SPATS1: variants seen among roughly 807,000 people sequenced by gnomAD.
The protein encoded by SPATS1 is spermatogenesis associated serine rich 1.
Under a neutral mutation model 33.6 loss-of-function variants are expected in SPATS1, and 23 were observed. That is an observed-to-expected ratio of 0.68 (90% confidence interval 0.49 to 0.97). SPATS1 has a LOEUF of 0.97. Among genes scored for constraint, SPATS1 ranks in the 50% least tolerant of loss-of-function variants. SPATS1 has a pLI of 0.00. For synonymous variants in SPATS1, 131 were observed against 125.6 expected (o/e 1.04, Z -0.29); for missense variants, 327 against 361.0 (o/e 0.91, Z 0.76).
At chr6:44,361,610 A>G in intron 4 of SPATS1, 1 of 885,324 alleles carries the variant, frequency 1.1e-6, no homozygotes. Context: ...GCAAACAAAA[A>G]CAAAGACGGC....
rs1787664198 is a variant in SPATS1 at position 44,343,129 on chromosome 6, C to T, written c.34C>T (p.Arg12Trp). The change falls in exon 2 of 9, where the codon CGG (arginine) becomes TGG (tryptophan). Residue 12 changes from arginine (R) to tryptophan (W), a missense_variant. Physicochemically the swap from Arg to Trp is moderately radical, Grantham distance 101 (BLOSUM62 -3). Transcript: ENST00000674044. ...ATCCATGCTCACTGGAAACAGTCCA[C>T]GGGGCTGCCGTCTCCCCTCCATCTC... ...SPSMLTGNSPRGCRLPSISST... is the reference protein window; with the variant it reads ...SPSMLTGNSPWGCRLPSISST... 3 of 1,613,426 alleles carry T rather than the reference C, an allele frequency of 1.9e-6. No individual in the cohort carries two copies. The highest frequency in any genetic ancestry group is 2.7e-5 in the African/African-American group (2 of 74,964).
intron 4 of SPATS1, chr6:44,361,420 T>C: frequency 1.0e-6 from 1 of 985,392 alleles, no homozygotes; most frequent in Non-Finnish European, 1.2e-6. Flanking sequence ...CCACTTGAGG[T>C]GCCATGTGGA....
rs114511114 is a variant in SPATS1, at chr6:44,363,438, G to A, written c.574+1446G>A. Among the ~76,000 whole-genome samples, 1,260 of 152,268 alleles carry A rather than the reference G, an allele frequency of 8.3e-3. 7 individuals are homozygous for A. Among genetic ancestry groups the A allele is most frequent in the South Asian group, 0.017 (81 of 4,822 alleles). ...GGTATTACAGGTGTGAGCCACTGCA[G>A]CCAGCCTACCCTGCACTCTTGAGCT... On this transcript the variant is annotated intron_variant, in intron 5 of 8. Coordinates refer to ENST00000674044, the MANE Select transcript of SPATS1 (RefSeq NM_001372081.1).
intron 3 of SPATS1, among the ~76,000 whole-genome samples, chr6:44,353,449 T>G (rs1333490461): frequency 6.6e-6 from 1 of 152,052 alleles, no homozygotes; most frequent in African/African-American, 2.4e-5. Context: ...AGAGTGGTGT[T>G]ATCTTGGCTC....
chr6:44,371,950 A>C (rs1789646974), intron 7 of SPATS1, among the ~76,000 whole-genome samples: 1 of 150,770 alleles, frequency 6.6e-6, no homozygotes, highest in Non-Finnish European at 1.5e-5. Flanking sequence ...GTCTCAAAAA[A>C]AAAAAAAAAA....
chr6:44,365,067 G>A (rs1789164706), intron 5 of SPATS1, among the ~76,000 whole-genome samples: 2 of 152,182 alleles, frequency 1.3e-5, no homozygotes, highest in Non-Finnish European at 2.9e-5. Context: ...GGGATTACAG[G>A]TGTGAGCCAC....
At chr6:44,354,191 G>A (rs1346675697) in intron 3 of SPATS1, among the ~76,000 whole-genome samples, 1 of 151,808 alleles carries the variant, frequency 6.6e-6, no homozygotes, top group African/African-American at 2.4e-5. Context: ...AAAATTAGCC[G>A]GGCCTGGGGG....
chr6:44,355,243 A>G (rs1788511086), intron 3 of SPATS1, among the ~76,000 whole-genome samples: 1 of 149,666 alleles, frequency 6.7e-6, no homozygotes, highest in South Asian at 2.1e-4. Context: ...AATGACATAT[A>G]GTTGGAATCG....
In SPATS1 at chr6:44,360,433, G is replaced by T. The variant is rs1788845049; in HGVS notation, c.288-13G>T. The T allele has an allele frequency of 6.2e-7, 1 of 1,613,940 alleles. No homozygotes were observed. ...TTTAAGCACGTGGAAGAATCCTTCT[G>T]CTTTCTTTCCAGCACCACTGCTGAC... On this transcript the variant is annotated splice_polypyrimidine_tract_variant and intron_variant, in intron 3 of 8. Transcript: ENST00000674044.
At chr6:44,372,252 C>CAA (rs1202728244) in intron 7 of SPATS1, among the ~76,000 whole-genome samples, 30 of 80,682 alleles carry the variant, frequency 3.7e-4, no homozygotes, top group African/African-American at 8.4e-4. Flanking sequence ...GACTCCATCT[C>CAA]AAAAAAAAAA....
intron 6 of SPATS1, among the ~76,000 whole-genome samples, chr6:44,368,971 A>G (rs1005241264): frequency 2.0e-5 from 3 of 147,910 alleles, no homozygotes; most frequent in African/African-American, 7.5e-5. Context: ...ATCTCAGCTC[A>G]CTGCAAGCTC....
chr6:44,350,814 T>A (rs1236037085), intron 2 of SPATS1, among the ~76,000 whole-genome samples: 1 of 152,092 alleles, frequency 6.6e-6, no homozygotes, highest in East Asian at 1.9e-4. Flanking sequence ...CAACTGCCCA[T>A]AGTAAATATT....
intron 7 of SPATS1, among the ~76,000 whole-genome samples, chr6:44,370,979 G>GTTTTTTTTT (rs532344535): frequency 3.5e-5 from 5 of 141,694 alleles, no homozygotes; most frequent in Non-Finnish European, 3.1e-5. Flanking sequence ...AAAAAGAAAG[G>GTTTTTTTTT]TTTTTTTTTT....
At chr6:44,368,262 T>C in intron 5 of SPATS1, 117 bp from the exon 6 acceptor site, 2 of 1,044,194 alleles carry the variant, frequency 1.9e-6, no homozygotes, top group East Asian at 2.7e-5. Flanking sequence ...GAAACTTCTA[T>C]GTAATTTATA....
chr6:44,358,125 A>G (rs6912195), intron 3 of SPATS1, among the ~76,000 whole-genome samples: 151,062 of 152,312 alleles, frequency 0.99, 74,926 homozygotes, highest in East Asian at 1. Context: ...ATTCTGAATC[A>G]GGGGTGGGGG....
In SPATS1 at chr6:44,345,115, T is replaced by C. The variant is rs114643876; in HGVS notation, c.139+1881T>C. ...GTATTAGTATTAGCGTCAGTATTAG[T>C]AAGTGTTCAGGCTTGCAATTCCAGC... is the stretch of plus-strand genomic sequence containing the variant. On this transcript the variant is annotated intron_variant, in intron 2 of 8. Transcript: ENST00000674044. Among the ~76,000 whole-genome samples the C allele has an allele frequency of 5.6e-3, 854 of 152,206 alleles. 10 individuals are homozygous for C. Among genetic ancestry groups the C allele is most frequent in the Middle Eastern group, 0.051 (15 of 294 alleles).
intron 7 of SPATS1, among the ~76,000 whole-genome samples, chr6:44,374,405 T>C (rs1789810211): frequency 6.6e-6 from 1 of 152,260 alleles, no homozygotes; most frequent in African/African-American, 2.4e-5. Context: ...TTTATTTTTC[T>C]CATTTAATAC....
intron 5 of SPATS1, 71 bp from the exon 6 acceptor site, chr6:44,368,308 C>G: frequency 6.7e-7 from 1 of 1,497,038 alleles, no homozygotes; most frequent in Non-Finnish European, 9.1e-7. Flanking sequence ...CATTGTCATG[C>G]CAATACTTAC....
intron 5 of SPATS1, among the ~76,000 whole-genome samples, chr6:44,367,159 C>A (rs1327761578): frequency 2.0e-5 from 3 of 152,216 alleles, no homozygotes; most frequent in Non-Finnish European, 4.4e-5. Context: ...ATGATCTCGG[C>A]TTACTGCAAC....
Sources: allele counts gnomAD v4.1 joint callset (sites outside exome capture counted in the v4.1 genomes callset), GRCh38; gene constraint gnomAD v4.1.1; transcripts MANE v1.5; gene names NCBI Gene and HGNC (gene_info 2026-07-23, HGNC 2026-07-21).